DYNLT3: variants seen among roughly 807,000 people sequenced by gnomAD.
The protein encoded by DYNLT3 is protein 91/23.
DYNLT3 carries 4 observed loss-of-function variants against 11.0 expected under a neutral mutation model. That is an observed-to-expected ratio of 0.36 (90% CI 0.18 to 0.83). The LOEUF (loss-of-function observed/expected upper bound fraction) is 0.83, where lower values mean the gene tolerates loss of function less well. DYNLT3 is among the 40% of genes least tolerant of loss of function. DYNLT3 has a pLI of 0.47. For synonymous variants in DYNLT3, 37 were observed against 31.2 expected, an observed-to-expected ratio of 1.18 and a Z score of -0.61; for missense variants, 91 against 91.1, an observed-to-expected ratio of 1.00 and a Z score of 0.01.
At chrX:37,846,454 G>C (rs1217381411) in intron 1 of DYNLT3, 96 bp from the exon 2 acceptor site, 2 of 853,181 alleles carry the variant, frequency 2.3e-6, no homozygotes, top group Non-Finnish European at 3.3e-6. Context: ...AGGTGTTAAA[G>C]TGTTAAAGGG....
chrX:37,846,255 A>T, intron 2 of DYNLT3, 62 bp downstream of exon 2: 2 of 1,095,596 alleles, frequency 1.8e-6, no homozygotes, highest in Non-Finnish European at 2.5e-6. Context: ...AACTCAAAAT[A>T]TAGCTTTTAA....
rs753959362 is a variant in DYNLT3 at position 37,840,580 on chromosome X, G to T, written c.346C>A (p.Leu116Ile). The change falls in exon 5 of 5, where the codon CTT becomes ATT. Residue 116 changes from leucine to isoleucine, a missense_variant. Coordinates refer to ENST00000378578, the MANE Select transcript of DYNLT3 (RefSeq NM_006520.3). ...IVNVFAIAIV[L>I] ...AGCCCAACATTTTTAGTCAGTTAAAGAACAATAGCAATGGCAAAAACGTTG... is the reference window on the plus strand; with the variant it reads ...AGCCCAACATTTTTAGTCAGTTAAATAACAATAGCAATGGCAAAAACGTTG... The T allele has an allele frequency of 6.7e-6, 8 of 1,198,680 alleles. No individual in the cohort carries two copies. The highest frequency in any genetic ancestry group is 7.9e-6 in the Non-Finnish European group (7 of 889,850).
At chrX:37,845,210 T>C (rs1331094298) in intron 2 of DYNLT3, among the ~76,000 whole-genome samples, 1 of 112,206 alleles carries the variant, frequency 8.9e-6, no homozygotes, top group Non-Finnish European at 1.9e-5. Context: ...TTTTAATAAT[T>C]AAATACTCTC....
chrX:37,840,558 C>T lies in DYNLT3; in HGVS notation c.*17G>A, dbSNP rs768001767. 1.7e-5 allele frequency: 20 copies of T among 1,179,598 alleles called. No homozygotes were observed. The Admixed American group carries it at 4.5e-4, about 26-fold the overall frequency. ...AAATTCTTAAGTTAATGGCTTTAGC[C>T]CAACATTTTTAGTCAGTTAAAGAAC... On this transcript the variant is annotated 3_prime_UTR_variant, in exon 5 of 5. Coordinates refer to ENST00000378578, the MANE Select transcript of DYNLT3 (RefSeq NM_006520.3).
In DYNLT3 at chrX:37,846,305, T is replaced by C. The variant is rs370848392; in HGVS notation, c.72+12A>G. On this transcript the variant is annotated intron_variant, in intron 2 of 4. Coordinates refer to ENST00000378578, the MANE Select transcript of DYNLT3 (RefSeq NM_006520.3). ...GCAGCAAGCTTCAAGAGAAACAAAA[T>C]GTATGACTCACCTCTTTGACAATAT... 5.3e-5 allele frequency: 64 copies of C among 1,206,115 alleles called. No homozygotes were observed. The highest frequency in any genetic ancestry group is 6.5e-5 in the Non-Finnish European group (58 of 892,695).
intron 4 of DYNLT3, 80 bp from the exon 5 acceptor site, chrX:37,840,731 C>G: frequency 1.9e-6 from 1 of 514,266 alleles, no homozygotes. Flanking sequence ...TATACACACA[C>G]ACACACACAC....
chrX:37,842,605 A>C (rs1041492129), intron 2 of DYNLT3, among the ~76,000 whole-genome samples: 1 of 111,778 alleles, frequency 8.9e-6, no homozygotes, highest in East Asian at 2.8e-4. Context: ...CACTGGCTCT[A>C]GTATCACAAT....
rs1433179537 is a variant in DYNLT3, at chrX:37,839,589, G to C, written c.*986C>G. 1 of 112,095 alleles carries C rather than the reference G, an allele frequency of 8.9e-6. No homozygotes were observed. Among genetic ancestry groups the C allele is most frequent in the African/African-American group, 3.2e-5 (1 of 30,791 alleles). The allele number at this position is 112,095 out of a possible 1,213,427, so 9.2% of individuals were successfully genotyped here. ...CATATTTTATATGCACTTTTAACTT[G>C]CTAGGAGCAACTCTTAAAATTACAT... On this transcript the variant is annotated 3_prime_UTR_variant, in exon 5 of 5. Transcript: ENST00000378578.
At chrX:37,847,073 C>T (rs1258104928) in intron 1 of DYNLT3, 6 of 1,166,047 alleles carry the variant, frequency 5.1e-6, no homozygotes, top group Non-Finnish European at 5.7e-6. Flanking sequence ...CCACCAGGAC[C>T]CCGAGACTCC....
In DYNLT3 at chrX:37,840,509, TC is replaced by T. The variant is rs1930120885; in HGVS notation, c.*65del. 1 of 1,013,638 alleles carries T rather than the reference TC, an allele frequency of 9.9e-7. No individual in the cohort carries two copies. The highest frequency in any genetic ancestry group is 3.3e-5 in the East Asian group (1 of 30,429). The allele number at this position is 1,013,638 out of a possible 1,213,427, so 83.5% of individuals were successfully genotyped here. On this transcript the variant is annotated 3_prime_UTR_variant, in exon 5 of 5. Transcript: ENST00000378578. ...TAGCACACTAGTAAACAACTATTACTCTTTTTGGAAAGGATACACTGACAAA... is the reference window on the plus strand; with the variant it reads ...TAGCACACTAGTAAACAACTATTACTTTTTTGGAAAGGATACACTGACAAA...
At chrX:37,846,505 T>TGAA in intron 1 of DYNLT3, 147 bp from the exon 2 acceptor site, 1 of 475,177 alleles carries the variant, frequency 2.1e-6, no homozygotes, top group Non-Finnish European at 3.4e-6. Context: ...CCCTAAACAC[T>TGAA]TAAAAATACT....
At chrX:37,845,371 T>C (rs995333034) in intron 2 of DYNLT3, among the ~76,000 whole-genome samples, 20 of 112,409 alleles carry the variant, frequency 1.8e-4, no homozygotes, top group Middle Eastern at 4.7e-3. Flanking sequence ...CTGTGGTCTG[T>C]ATGTGATACC....
Position 37,839,242 on chromosome X carries a change from G to T in DYNLT3, c.*1333C>A, listed in dbSNP as rs113857266. On this transcript the variant is annotated 3_prime_UTR_variant, in exon 5 of 5. Transcript: ENST00000378578. ...CCAAAATTCAATGAGTTATGGTTCC[G>T]CTCTCTATATGTATTAGTGTTAGTG... 4.5e-5 allele frequency: 5 copies of T among 111,634 alleles called. No homozygotes were observed. The highest frequency in any genetic ancestry group is 1.6e-4 in the African/African-American group (5 of 30,635). The allele number at this position is 111,634 out of a possible 1,213,427, so 9.2% of individuals were successfully genotyped here.
At chrX:37,841,212 C>G (rs1930150253) in intron 3 of DYNLT3, 107 bp from the exon 4 acceptor site, 1 of 547,561 alleles carries the variant, frequency 1.8e-6, no homozygotes, top group Non-Finnish European at 2.8e-6. Flanking sequence ...AGACAAAAAA[C>G]AAACAAACAA....
Position 37,839,391 on chromosome X carries a change from C to T in DYNLT3, c.*1184G>A, listed in dbSNP as rs1424268519. 1 of 111,637 alleles carries T rather than the reference C, an allele frequency of 9.0e-6. No individual in the cohort carries two copies. Among genetic ancestry groups the T allele is most frequent in the Admixed American group, 9.6e-5 (1 of 10,462 alleles). The allele number at this position is 111,637 out of a possible 1,213,427, so 9.2% of individuals were successfully genotyped here. A position where few individuals can be genotyped will look rare whatever the true frequency, so the allele number is the denominator to read the frequency against. ...ATAAATTTAATTACATTTCATAAGC[C>T]CTGAGATAACGTGCTAAGGATTGTA... On this transcript the variant is annotated 3_prime_UTR_variant, in exon 5 of 5. Transcript: ENST00000378578.
rs1346359574 is a variant in DYNLT3, at chrX:37,840,173, A to T, written c.*402T>A. ...AGCTAATTCTCATCATTTTCTCCAC[A>T]TTTATCCTTGCAGCTTTTTTGTTCA... On this transcript the variant is annotated 3_prime_UTR_variant, in exon 5 of 5. Transcript: ENST00000378578. The T allele has an allele frequency of 8.9e-6, 1 of 112,708 alleles. No individual in the cohort carries two copies. The highest frequency in any genetic ancestry group is 1.9e-5 in the Non-Finnish European group (1 of 53,701). The allele number at this position is 112,708 out of a possible 1,213,427, so 9.3% of individuals were successfully genotyped here. A position where few individuals can be genotyped will look rare whatever the true frequency, so the allele number is the denominator to read the frequency against.
rs777155333 is a variant in DYNLT3, at chrX:37,841,744, A to G, written c.196+38T>C. The G allele has an allele frequency of 9.6e-5, 107 of 1,119,922 alleles. 1 individual carries two copies. The highest frequency in any genetic ancestry group is 3.8e-5 in the Non-Finnish European group (32 of 837,645). The allele number at this position is 1,119,922 out of a possible 1,213,427, so 92.3% of individuals were successfully genotyped here. A position where few individuals can be genotyped will look rare whatever the true frequency, so the allele number is the denominator to read the frequency against. The stretch of plus-strand genomic sequence containing the variant: ...AATTCAGAGAAAATCACAATGACAA[A>G]AGCAAGTGAACTAGTGAGGAAGGAT... On this transcript the variant is annotated intron_variant, in intron 3 of 4. Coordinates refer to ENST00000378578, the MANE Select transcript of DYNLT3 (RefSeq NM_006520.3).
chrX:37,845,902 G>A (rs867656406), intron 2 of DYNLT3, among the ~76,000 whole-genome samples: 27 of 112,580 alleles, frequency 2.4e-4, no homozygotes, highest in African/African-American at 8.4e-4. Flanking sequence ...CGGGTGTGGT[G>A]GTTCACGCCT....
At position 37,840,296 on chromosome X, in the gene DYNLT3, G is replaced by A. The variant is rs144669052; in HGVS notation, c.*279C>T. On this transcript the variant is annotated 3_prime_UTR_variant, in exon 5 of 5. Coordinates refer to ENST00000378578, the MANE Select transcript of DYNLT3 (RefSeq NM_006520.3). ...GGTACAAAATATTAGTGAAAAGCTG[G>A]TGTAAATATAAGATTGTATTTTCAT... 1.7e-3 allele frequency: 264 copies of A among 155,386 alleles called. 2 individuals are homozygous for A. Among genetic ancestry groups the A allele is most frequent in the African/African-American group, 7.8e-3 (253 of 32,368 alleles). 12.8% of individuals were successfully genotyped at this position (155,386 alleles called of 1,213,427 possible).
Sources: gnomAD v4.1 joint callset for allele counts (sites outside exome capture counted in the v4.1 genomes callset) on GRCh38, gnomAD v4.1.1 for gene constraint, MANE v1.5 for transcripts, NCBI Gene and HGNC (gene_info 2026-07-23, HGNC 2026-07-21) for gene names.